The following TRAM2 variants were observed in gnomAD, a reference collection of about 807,000 sequenced individuals.
The protein encoded by TRAM2 is translocation associated membrane protein 2.
Under a neutral mutation model 51.0 loss-of-function variants are expected in TRAM2, and 12 were observed. The ratio of observed to expected loss-of-function variants is 0.24; its 90% CI spans 0.15 to 0.38. The LOEUF (loss-of-function observed/expected upper bound fraction) is 0.38, where lower values mean the gene tolerates loss of function less well. TRAM2 is among the 10% of genes least tolerant of loss of function. The pLI is 1.00. For missense variants in TRAM2, 361 were observed against 462.0 expected, an observed-to-expected ratio of 0.78 and a Z score of 2.00; for synonymous variants, 175 against 179.4, an observed-to-expected ratio of 0.98 and a Z score of 0.20.
intron 1 of TRAM2, among the ~76,000 whole-genome samples, chr6:52,570,251 T>C (rs1335872776): frequency 1.3e-5 from 2 of 152,250 alleles, no homozygotes; most frequent in African/African-American, 2.4e-5. Flanking sequence ...AAAGCTCCTG[T>C]GTGTTTGCTT....
At chr6:52,556,425 C>T (rs1767407171) in intron 1 of TRAM2, among the ~76,000 whole-genome samples, 1 of 151,990 alleles carries the variant, frequency 6.6e-6, no homozygotes, top group Admixed American at 6.5e-5. Context: ...GAAGTACAGG[C>T]ATGTGCCACA....
At chr6:52,549,600 T>C (rs749526097) in intron 1 of TRAM2, among the ~76,000 whole-genome samples, 11 of 152,324 alleles carry the variant, frequency 7.2e-5, no homozygotes, top group Non-Finnish European at 1.5e-4. Flanking sequence ...TCCTGTTGGA[T>C]ACAGATACTC....
At chr6:52,503,952 G>A (rs750340287) in intron 10 of TRAM2, among the ~76,000 whole-genome samples, 2 of 152,220 alleles carry the variant, frequency 1.3e-5, no homozygotes, top group Non-Finnish European at 2.9e-5. Flanking sequence ...TTGCCAAGCA[G>A]GTGGCCACCT....
Position 52,503,287 on chromosome 6 carries a change from G to A in TRAM2, c.1040-17C>T. ...CATGGTAACCTGGGAAGTGGAGAGA[G>A]ACAAGCATACATGGTGTTTCTGCTG... is the stretch of plus-strand genomic sequence containing the variant. On this transcript the variant is annotated splice_polypyrimidine_tract_variant and intron_variant, in intron 10 of 10. Coordinates refer to ENST00000182527, the MANE Select transcript of TRAM2 (RefSeq NM_012288.4). 1.9e-6 allele frequency: 3 copies of A among 1,610,078 alleles called. No individual in the cohort carries two copies. The highest frequency in any genetic ancestry group is 2.6e-6 in the Non-Finnish European group (3 of 1,176,316).
intron 1 of TRAM2, among the ~76,000 whole-genome samples, chr6:52,542,517 AGAGTTAT>A (rs1767122498): frequency 6.6e-6 from 1 of 152,218 alleles, no homozygotes; most frequent in Non-Finnish European, 1.5e-5. Context: ...CACAGGGGGC[AGAGTTAT>A]GACAGTACCT....
At chr6:52,562,996 C>T (rs1767525401) in intron 1 of TRAM2, among the ~76,000 whole-genome samples, 1 of 152,208 alleles carries the variant, frequency 6.6e-6, no homozygotes, top group Non-Finnish European at 1.5e-5. Flanking sequence ...AATACAAATG[C>T]AGTTAACGCT....
chr6:52,570,250 G>A (rs985747124), intron 1 of TRAM2, among the ~76,000 whole-genome samples: 1 of 152,202 alleles, frequency 6.6e-6, no homozygotes, highest in African/African-American at 2.4e-5. Flanking sequence ...TAAAGCTCCT[G>A]TGTGTTTGCT....
intron 1 of TRAM2, among the ~76,000 whole-genome samples, chr6:52,563,381 G>A (rs887359106): frequency 4.6e-5 from 7 of 152,112 alleles, no homozygotes; most frequent in Non-Finnish European, 1.0e-4. Context: ...TCTTGTATTT[G>A]CTTAAATAAA....
intron 1 of TRAM2, among the ~76,000 whole-genome samples, chr6:52,537,271 G>A (rs989301455): frequency 2.6e-5 from 4 of 152,186 alleles, no homozygotes; most frequent in Non-Finnish European, 4.4e-5. Flanking sequence ...AGCCCTATCC[G>A]AATATACAGG....
intron 2 of TRAM2, chr6:52,523,505 A>G (rs1218336343): frequency 6.6e-6 from 1 of 152,288 alleles, no homozygotes; most frequent in Non-Finnish European, 1.5e-5. Context: ...AGCTACACTA[A>G]GATACCATTT....
intron 2 of TRAM2, 57 bp downstream of exon 2, chr6:52,535,726 T>G: frequency 6.7e-7 from 1 of 1,497,918 alleles, no homozygotes; most frequent in Non-Finnish European, 9.2e-7. Flanking sequence ...AAAGGAAGCT[T>G]TCCAGGTCCT....
intron 1 of TRAM2, among the ~76,000 whole-genome samples, chr6:52,558,305 G>T (rs1475025083): frequency 6.6e-6 from 1 of 152,114 alleles, no homozygotes; most frequent in African/African-American, 2.4e-5. Flanking sequence ...AGGCCCAAAA[G>T]CCCCCCACGT....
At chr6:52,573,706 C>T (rs1349702862) in intron 1 of TRAM2, among the ~76,000 whole-genome samples, 1 of 152,214 alleles carries the variant, frequency 6.6e-6, no homozygotes, top group Non-Finnish European at 1.5e-5. Flanking sequence ...GAGTCATCAT[C>T]TCCCTGGGGA....
At chr6:52,570,910 T>G (rs911738002) in intron 1 of TRAM2, among the ~76,000 whole-genome samples, 2 of 151,842 alleles carry the variant, frequency 1.3e-5, no homozygotes, top group African/African-American at 2.4e-5. Context: ...CTCACAATGT[T>G]AACCAGCTGC....
At chr6:52,518,343 G>T (rs1766592306) in intron 2 of TRAM2, among the ~76,000 whole-genome samples, 1 of 152,228 alleles carries the variant, frequency 6.6e-6, no homozygotes, top group Admixed American at 6.5e-5. Flanking sequence ...CGGAGGGGAG[G>T]TCACCGTGGT....
chr6:52,576,712 G>A, intron 1 of TRAM2, 84 bp downstream of exon 1: 2 of 1,523,998 alleles, frequency 1.3e-6, no homozygotes. Flanking sequence ...GATCAGAGGA[G>A]GGCCCGCTGA....
intron 1 of TRAM2, among the ~76,000 whole-genome samples, chr6:52,573,944 AG>A (rs1157221301): frequency 6.6e-6 from 1 of 152,184 alleles, no homozygotes. Context: ...CTTTGTGGGA[AG>A]AATTATAATT....
In TRAM2 at chr6:52,549,364, T is replaced by C. The variant is rs184803542; in HGVS notation, c.121-13518A>G. 1.0e-4 allele frequency among the ~76,000 whole-genome samples: 15 copies of C among 149,888 alleles called. No homozygotes were observed. The East Asian group carries it at 3.1e-3, about 31-fold the overall frequency. On this transcript the variant is annotated intron_variant, in intron 1 of 10. Coordinates refer to ENST00000182527, the MANE Select transcript of TRAM2 (RefSeq NM_012288.4). ...ACCATCTATTCCAGCATGGTGCGCA[T>C]TTCAAAGCTTTGCTTCCCACAATGA...
intron 4 of TRAM2, among the ~76,000 whole-genome samples, chr6:52,510,168 C>T (rs1766427480): frequency 6.6e-6 from 1 of 152,242 alleles, no homozygotes; most frequent in South Asian, 2.1e-4. Flanking sequence ...ACACCTACCA[C>T]ACTGTGTCAT....
Sources: gnomAD v4.1 joint callset for allele counts (sites outside exome capture counted in the v4.1 genomes callset) on GRCh38, gnomAD v4.1.1 for gene constraint, MANE v1.5 for transcripts, NCBI Gene and HGNC (gene_info 2026-07-23, HGNC 2026-07-21) for gene names.